Variants in FHIP1A observed in about 807,000 individuals in gnomAD.
The protein encoded by FHIP1A is FHF complex subunit HOOK-interacting protein 1A.
Under a neutral mutation model 88.6 loss-of-function variants are expected in FHIP1A, and 61 were observed. The observed-to-expected ratio is 0.69, with a 90% CI of 0.56 to 0.85. The LOEUF (loss-of-function observed/expected upper bound fraction) is 0.85, where lower values mean the gene tolerates loss of function less well. FHIP1A is among the 40% of genes least tolerant of loss of function. FHIP1A has a pLI of 0.00. For missense variants in FHIP1A, 1,154 were observed against 1,273.5 expected (o/e 0.91, Z 1.43); for synonymous variants, 478 against 496.0 (o/e 0.96, Z 0.48).
At chr4:151,588,575 T>C (rs536739737) in intron 6 of FHIP1A, among the ~76,000 whole-genome samples, 1 of 152,302 alleles carries the variant, frequency 6.6e-6, no homozygotes, top group East Asian at 1.9e-4. Context: ...ATTTATTGTC[T>C]TTTTTCCAAA....
chr4:151,553,975 G>A (rs1005225897), intron 3 of FHIP1A, among the ~76,000 whole-genome samples: 2 of 152,142 alleles, frequency 1.3e-5, no homozygotes, highest in Non-Finnish European at 2.9e-5. Context: ...ATGCAAGCAA[G>A]GTATTTATGC....
At chr4:151,545,637 A>G (rs1040174241) in intron 3 of FHIP1A, among the ~76,000 whole-genome samples, 4 of 151,968 alleles carry the variant, frequency 2.6e-5, no homozygotes, top group Non-Finnish European at 4.4e-5. Flanking sequence ...TCAGCCTCCC[A>G]AAGTGCTGGG....
In FHIP1A at chr4:151,526,732, C is replaced by T. The variant is rs1381889196; in HGVS notation, c.-122-39406C>T. 5.4e-5 allele frequency among the ~76,000 whole-genome samples: 8 copies of T among 149,158 alleles called. No individual in the cohort carries two copies. In the South Asian group the frequency reaches 8.6e-4, roughly 16 times the overall value. ...GACGCTCCTCACTTCCCAGACGGGG[C>T]GGCTGCTGGGCGGAGGGGCTCCTCA... On this transcript the variant is annotated intron_variant, in intron 3 of 13. Transcript: ENST00000435205.
chr4:151,629,582 G>A (rs773147553), intron 7 of FHIP1A, 120 bp from the exon 8 acceptor site: 12 of 768,114 alleles, frequency 1.6e-5, no homozygotes, highest in Admixed American at 5.1e-5. Flanking sequence ...GTGTGTTTTC[G>A]TGGGCAGGCA....
At chr4:151,654,322 C>G (rs957550914) in intron 11 of FHIP1A, among the ~76,000 whole-genome samples, 1 of 151,726 alleles carries the variant, frequency 6.6e-6, no homozygotes, top group Non-Finnish European at 1.5e-5. Context: ...AGCTCATGTG[C>G]CCCCCCACCT....
chr4:151,582,368 A>G (rs564212918), intron 5 of FHIP1A, among the ~76,000 whole-genome samples: 2 of 148,842 alleles, frequency 1.3e-5, no homozygotes, highest in East Asian at 2.0e-4. Context: ...TTTTTTTTGT[A>G]TGTCATCTTT....
rs374665851 is a variant in FHIP1A at position 151,444,081 on chromosome 4, C to T, written c.-355-10620C>T. Among the ~76,000 whole-genome samples the T allele has an allele frequency of 2.6e-5, 4 of 152,190 alleles. No individual in the cohort carries two copies. In the East Asian group the frequency reaches 5.8e-4, roughly 22 times the overall value. ...TTGAGCAGATTGCCTCCTTGGTGGC[C>T]TTGGAGAGCAGCTTTCCCCCGTTTC... On this transcript the variant is annotated intron_variant, in intron 1 of 13. Coordinates refer to ENST00000435205, the MANE Select transcript of FHIP1A (RefSeq NM_001109977.3).
rs116052419 is a variant in FHIP1A, at chr4:151,639,907, G to T, written c.1226+1151G>T. On this transcript the variant is annotated intron_variant, in intron 9 of 13. Transcript: ENST00000435205. ...AGGGTGGGTGGAGCTGAGAGTGGGGGAAGAGGGAGGAGACCTGGTCTTCCC... is the reference window on the plus strand; with the variant it reads ...AGGGTGGGTGGAGCTGAGAGTGGGGTAAGAGGGAGGAGACCTGGTCTTCCC... 3.1e-3 allele frequency among the ~76,000 whole-genome samples: 475 copies of T among 152,278 alleles called. 2 individuals are homozygous for T. The highest frequency in any genetic ancestry group is 0.01 in the African/African-American group (434 of 41,558).
At chr4:151,575,954 C>T (rs1733773359) in intron 4 of FHIP1A, among the ~76,000 whole-genome samples, 1 of 152,102 alleles carries the variant, frequency 6.6e-6, no homozygotes, top group African/African-American at 2.4e-5. Flanking sequence ...CACATAGATT[C>T]CATGCAATTC....
chr4:151,470,711 C>T (rs1729477366), intron 2 of FHIP1A, among the ~76,000 whole-genome samples: 1 of 152,152 alleles, frequency 6.6e-6, no homozygotes, highest in African/African-American at 2.4e-5. Flanking sequence ...AGGGTTCCTG[C>T]CCTGCCATCT....
intron 1 of FHIP1A, among the ~76,000 whole-genome samples, chr4:151,431,645 G>A (rs183863183): frequency 3.9e-5 from 6 of 152,288 alleles, no homozygotes; most frequent in Non-Finnish European, 8.8e-5. Flanking sequence ...GTGTTCACTG[G>A]ATGAGCACTG....
At chr4:151,616,843 G>A (rs928792343) in intron 7 of FHIP1A, among the ~76,000 whole-genome samples, 5 of 152,098 alleles carry the variant, frequency 3.3e-5, no homozygotes, top group Admixed American at 2.6e-4. Context: ...CATCTCCTGG[G>A]TTCCAGTGAT....
intron 3 of FHIP1A, among the ~76,000 whole-genome samples, chr4:151,512,012 G>A (rs1166033203): frequency 2.0e-5 from 3 of 152,224 alleles, no homozygotes; most frequent in Admixed American, 6.5e-5. Flanking sequence ...CCTGACCCCC[G>A]AGCAGCCTAA....
In FHIP1A at chr4:151,666,349, AT is replaced by A. The variant is rs1453679452; in HGVS notation, c.*3596del. The stretch of plus-strand genomic sequence containing the variant: ...TGAAGTGGTCCCCATTTTGTGGAGT[AT>A]CATTTTGGAAAATGCTTTGATGTGC... On this transcript the variant is annotated 3_prime_UTR_variant, in exon 14 of 14. Coordinates refer to ENST00000435205, the MANE Select transcript of FHIP1A (RefSeq NM_001109977.3). Among the ~76,000 whole-genome samples the A allele has an allele frequency of 6.6e-6, 1 of 152,182 alleles. No individual in the cohort carries two copies. The highest frequency in any genetic ancestry group is 1.5e-5 in the Non-Finnish European group (1 of 68,024).
intron 5 of FHIP1A, 56 bp downstream of exon 5, chr4:151,578,132 C>A: frequency 6.9e-7 from 1 of 1,446,886 alleles, no homozygotes; most frequent in South Asian, 1.3e-5. Flanking sequence ...TCTTCTGTTG[C>A]TAGTGATGAA....
chr4:151,630,679 G>C (rs911406668), intron 8 of FHIP1A, among the ~76,000 whole-genome samples: 1 of 152,104 alleles, frequency 6.6e-6, no homozygotes, highest in Admixed American at 6.5e-5. Context: ...TATTCAATTA[G>C]CACTACACTT....
intron 3 of FHIP1A, among the ~76,000 whole-genome samples, chr4:151,502,423 A>G (rs1730687417): frequency 6.6e-6 from 1 of 152,208 alleles, no homozygotes; most frequent in Admixed American, 6.5e-5. Context: ...AGAAATTATA[A>G]AGTGAAACCA....
intron 7 of FHIP1A, among the ~76,000 whole-genome samples, chr4:151,618,122 A>G (rs1735611571): frequency 6.6e-6 from 1 of 152,240 alleles, no homozygotes; most frequent in African/African-American, 2.4e-5. Context: ...AGCTGCTAGT[A>G]TATTGTACAG....
intron 7 of FHIP1A, 55 bp from the exon 8 acceptor site, chr4:151,629,647 T>C: frequency 6.7e-7 from 1 of 1,501,060 alleles, no homozygotes; most frequent in Non-Finnish European, 9.0e-7. Flanking sequence ...GGGAGAGGCG[T>C]GTATCACAGC....
Sources: gnomAD v4.1 joint callset for allele counts (sites outside exome capture counted in the v4.1 genomes callset) on GRCh38, gnomAD v4.1.1 for gene constraint, MANE v1.5 for transcripts, NCBI Gene and HGNC (gene_info 2026-07-23, HGNC 2026-07-21) for gene names.